Variants in ANO10 observed in about 807,000 individuals in gnomAD.
ANO10 encodes anoctamin-10.
In ANO10, 77 loss-of-function variants were observed where a neutral mutation model predicts 74.7. That is an observed-to-expected ratio of 1.03 (90% CI 0.86 to 1.25). ANO10 has a LOEUF of 1.25. Ranked by LOEUF, ANO10 falls within the 50% of genes most tolerant of loss-of-function variation. ANO10 has a pLI of 0.00. For synonymous variants in ANO10, 279 were observed against 284.9 expected (o/e 0.98, Z 0.21); for missense variants, 721 against 778.1 (o/e 0.93, Z 0.87).
intron 1 of ANO10, among the ~76,000 whole-genome samples, chr3:43,608,565 C>A (rs1013028387): frequency 5.3e-5 from 8 of 152,116 alleles, no homozygotes; most frequent in Non-Finnish European, 1.0e-4. Flanking sequence ...AGCCACTGCA[C>A]ATGGCCTTTG....
At chr3:43,638,914 C>T (rs1272926458) in intron 1 of ANO10, 2 of 152,210 alleles carry the variant, frequency 1.3e-5, no homozygotes, top group South Asian at 2.1e-4. Context: ...CAGAATTGAT[C>T]CTGAGGTTGT....
At chr3:43,581,683 G>A (rs914116636) in intron 4 of ANO10, among the ~76,000 whole-genome samples, 8 of 152,126 alleles carry the variant, frequency 5.3e-5, no homozygotes, top group Non-Finnish European at 1.0e-4. Flanking sequence ...CACTTTAGGA[G>A]GCTGAGGCGG....
intron 11 of ANO10, among the ~76,000 whole-genome samples, chr3:43,493,168 T>C (rs1427391963): frequency 6.6e-6 from 1 of 152,124 alleles, no homozygotes; most frequent in Non-Finnish European, 1.5e-5. Context: ...CAGTAAACTA[T>C]CACAAGATCA....
intron 12 of ANO10, among the ~76,000 whole-genome samples, chr3:43,430,456 G>A (rs1177865644): frequency 1.3e-5 from 2 of 151,712 alleles, no homozygotes; most frequent in Admixed American, 1.3e-4. Flanking sequence ...TTGTGGTGGT[G>A]GGGAGGTTCA....
intron 4 of ANO10, among the ~76,000 whole-genome samples, chr3:43,596,474 C>G (rs2082089363): frequency 6.6e-6 from 1 of 152,168 alleles, no homozygotes; most frequent in Admixed American, 6.5e-5. Context: ...CTACAACCAT[C>G]TGACCTTTGA....
chr3:43,449,045 T>C (rs1224647559), intron 11 of ANO10, among the ~76,000 whole-genome samples: 2 of 151,872 alleles, frequency 1.3e-5, no homozygotes, highest in African/African-American at 2.4e-5. Flanking sequence ...ACTGCCTAAG[T>C]TTTGTATTTT....
chr3:43,391,579 C>A (rs1055330797), intron 12 of ANO10, among the ~76,000 whole-genome samples: 62 of 152,194 alleles, frequency 4.1e-4, no homozygotes, highest in African/African-American at 1.5e-3. Flanking sequence ...TTCTAACCAA[C>A]AGAATACAGT....
intron 11 of ANO10, chr3:43,485,562 A>C (rs567300856): frequency 4.3e-6 from 1 of 230,890 alleles, no homozygotes; most frequent in Non-Finnish European, 8.5e-6. Flanking sequence ...AGAGAAGACA[A>C]GGCTTGCCAC....
chr3:43,629,835 A>G (rs144903298), intron 1 of ANO10, among the ~76,000 whole-genome samples: 77 of 152,322 alleles, frequency 5.1e-4, no homozygotes, highest in African/African-American at 1.8e-3. Flanking sequence ...TGAGTCAGTA[A>G]ATAGGCCTCT....
chr3:43,670,349 T>TAAATAAA (rs1205090750), intron 1 of ANO10, among the ~76,000 whole-genome samples: 1 of 151,198 alleles, frequency 6.6e-6, no homozygotes, highest in African/African-American at 2.4e-5. Context: ...AATAAATAAA[T>TAAATAAA]AAATAAAATA....
At chr3:43,634,057 C>G (rs922283734) in intron 1 of ANO10, among the ~76,000 whole-genome samples, 1 of 149,552 alleles carries the variant, frequency 6.7e-6, no homozygotes, top group African/African-American at 2.5e-5. Flanking sequence ...CAAACATCTT[C>G]CAAAAGATAT....
At chr3:43,686,430 G>T (rs140668996) in intron 1 of ANO10, among the ~76,000 whole-genome samples, 1 of 152,082 alleles carries the variant, frequency 6.6e-6, no homozygotes, top group African/African-American at 2.4e-5. Flanking sequence ...GAGGCCAAAG[G>T]CACATGCCAT....
intron 12 of ANO10, among the ~76,000 whole-genome samples, chr3:43,404,895 A>AG (rs1491510212): frequency 6.8e-6 from 1 of 146,282 alleles, no homozygotes; most frequent in African/African-American, 2.5e-5. Flanking sequence ...AAAAAAAAAA[A>AG]CCACCAAAAA....
chr3:43,691,429 GC>G (rs2084380520), intron 1 of ANO10: 1 of 165,142 alleles, frequency 6.1e-6, no homozygotes, highest in African/African-American at 2.4e-5. Context: ...GGCGGGCGGT[GC>G]CCGGTCGACC....
At chr3:43,419,956 A>C (rs1444505191) in intron 12 of ANO10, among the ~76,000 whole-genome samples, 2 of 152,250 alleles carry the variant, frequency 1.3e-5, no homozygotes, top group African/African-American at 4.8e-5. Flanking sequence ...TCTTAAATCC[A>C]AACATTTCTT....
At chr3:43,437,041 T>C (rs551312481) in intron 11 of ANO10, among the ~76,000 whole-genome samples, 1 of 152,270 alleles carries the variant, frequency 6.6e-6, no homozygotes, top group African/African-American at 2.4e-5. Flanking sequence ...ACATGCCAAA[T>C]GCAAATTAAT....
rs3772166 is a variant in ANO10, at chr3:43,564,852, C to T, written c.1293+801G>A. On this transcript the variant is annotated intron_variant, in intron 8 of 12. Transcript: ENST00000292246. ...CTGGTATTACAACTGTTTTTTTAAG[C>T]GGTCCTCCTCCATTCCCCTATCTTC... Among the ~76,000 whole-genome samples the T allele has an allele frequency of 1.1e-3, 160 of 152,180 alleles. 6 individuals carry two copies. In the East Asian group the frequency reaches 0.028, roughly 26 times the overall value.
intron 6 of ANO10, among the ~76,000 whole-genome samples, chr3:43,575,462 G>C (rs1368436169): frequency 1.3e-5 from 2 of 152,174 alleles, no homozygotes; most frequent in Admixed American, 1.3e-4. Flanking sequence ...CCTTGGGTAA[G>C]TTACTTAACC....
At position 43,550,155 on chromosome 3, in the gene ANO10, G is replaced by A. The variant is rs563852385; in HGVS notation, c.1669-307C>T. Among the ~76,000 whole-genome samples the A allele has an allele frequency of 9.9e-5, 15 of 152,212 alleles. No homozygotes were observed. In the East Asian group the frequency reaches 2.3e-3, roughly 24 times the overall value. ...TAAAGTTACTCTACTCACATCTAAG[G>A]GGAATCTAAAGTAGGGCTGCCAGGG... On this transcript the variant is annotated intron_variant, in intron 10 of 12. Coordinates refer to ENST00000292246, the MANE Select transcript of ANO10 (RefSeq NM_018075.5).
Sources: allele counts gnomAD v4.1 joint callset (sites outside exome capture counted in the v4.1 genomes callset), GRCh38; gene constraint gnomAD v4.1.1; transcripts MANE v1.5; gene names NCBI Gene and HGNC (gene_info 2026-07-23, HGNC 2026-07-21).